The following CXXC5 variants were observed in gnomAD, a reference collection of about 807,000 sequenced individuals.
CXXC5 encodes CXXC-type zinc finger protein 5.
Under a neutral mutation model 17.6 loss-of-function variants are expected in CXXC5, and 2 were observed. The ratio of observed to expected loss-of-function variants is 0.11; its 90% confidence interval spans 0.05 to 0.36. The LOEUF is 0.36. Among genes scored for constraint, CXXC5 ranks in the 10% least tolerant of loss-of-function variants. CXXC5 has a pLI of 1.00. For synonymous variants in CXXC5, 171 were observed against 193.0 expected, an observed-to-expected ratio of 0.89 and a Z score of 0.94; for missense variants, 343 against 458.3, an observed-to-expected ratio of 0.75 and a Z score of 2.30.
At chr5:139,659,345 C>T (rs1251158350) in intron 1 of CXXC5, among the ~76,000 whole-genome samples, 1 of 152,180 alleles carries the variant, frequency 6.6e-6, no homozygotes, top group Non-Finnish European at 1.5e-5. Context: ...CCACTGGTCT[C>T]CTGGGAGGGA....
At chr5:139,653,608 T>G (rs1755326075) in intron 1 of CXXC5, among the ~76,000 whole-genome samples, 1 of 152,128 alleles carries the variant, frequency 6.6e-6, no homozygotes, top group South Asian at 2.1e-4. Context: ...CTCTGTATGT[T>G]GAGAAGCAGT....
intron 1 of CXXC5, among the ~76,000 whole-genome samples, chr5:139,649,958 G>A (rs528543766): frequency 6.6e-6 from 1 of 152,376 alleles, no homozygotes; most frequent in East Asian, 1.9e-4. Flanking sequence ...CGCGGGGTGC[G>A]CCTGGCTTTG....
chr5:139,675,057 C>T (rs551779401), intron 1 of CXXC5, among the ~76,000 whole-genome samples: 22 of 152,324 alleles, frequency 1.4e-4, no homozygotes, highest in Non-Finnish European at 2.5e-4. Context: ...CCTTCCGGCT[C>T]TTGTTTCACG....
At position 139,681,086 on chromosome 5, in the gene CXXC5, C is replaced by A. The variant is rs753812369; in HGVS notation, c.563C>A (p.Ala188Asp). Residue 188 changes from alanine (A) to aspartate (D), a missense_variant, in exon 2 of 3, where the codon GCT becomes GAT. Ala to Asp is a moderately radical substitution (Grantham distance 126). Transcript: ENST00000302517. ...EHLPLMSEAG[A>D]GLPDMEAVAG... ...CTCCCGCTGATGAGCGAGGCGGGTG[C>A]TGGCCTGCCTGACATGGAGGCTGTG... 4 of 1,612,578 alleles carry A rather than the reference C, an allele frequency of 2.5e-6. No individual in the cohort carries two copies. The African/African-American group carries it at 5.3e-5, about 22-fold the overall frequency.
Position 139,671,931 on chromosome 5 carries a change from T to G in CXXC5, c.-160-8433T>G, listed in dbSNP as rs141340621. 1.4e-4 allele frequency among the ~76,000 whole-genome samples: 21 copies of G among 152,300 alleles called. No individual in the cohort carries two copies. The East Asian group carries it at 3.9e-3, about 28-fold the overall frequency. ...TCCTGGCTCTGCCACTTACTGACCTTGTGACCTTAGGCAGGTGGCTTTATG... is the reference window on the plus strand; with the variant it reads ...TCCTGGCTCTGCCACTTACTGACCTGGTGACCTTAGGCAGGTGGCTTTATG... On this transcript the variant is annotated intron_variant, in intron 1 of 2. Coordinates refer to ENST00000302517, the MANE Select transcript of CXXC5 (RefSeq NM_016463.9).
chr5:139,667,922 C>T (rs1343093311), intron 1 of CXXC5, among the ~76,000 whole-genome samples: 1 of 152,196 alleles, frequency 6.6e-6, no homozygotes, highest in Non-Finnish European at 1.5e-5. Context: ...TGCGGTGGCT[C>T]CAGGCCTGGA....
chr5:139,669,791 G>A (rs1480992090), intron 1 of CXXC5, among the ~76,000 whole-genome samples: 1 of 152,088 alleles, frequency 6.6e-6, no homozygotes, highest in African/African-American at 2.4e-5. Context: ...TCTCACACAT[G>A]TAGCCTTACC....
At chr5:139,674,549 C>T (rs1359194391) in intron 1 of CXXC5, among the ~76,000 whole-genome samples, 1 of 152,242 alleles carries the variant, frequency 6.6e-6, no homozygotes, top group Non-Finnish European at 1.5e-5. Context: ...GGCTGCAAGG[C>T]TGGTCAGCCA....
intron 1 of CXXC5, 131 bp downstream of exon 1, chr5:139,648,976 A>G (rs980738250): frequency 2.0e-5 from 3 of 151,592 alleles, no homozygotes; most frequent in African/African-American, 7.3e-5. Context: ...AAGTCGGCGG[A>G]AAGTTTGGCT....
Position 139,658,296 on chromosome 5 carries a change from A to G in CXXC5, c.-161+9451A>G, listed in dbSNP as rs1755601490. Among the ~76,000 whole-genome samples, 1 of 152,222 alleles carries G rather than the reference A, an allele frequency of 6.6e-6. No individual in the cohort carries two copies. The highest frequency in any genetic ancestry group is 1.5e-5 in the Non-Finnish European group (1 of 68,034). On this transcript the variant is annotated intron_variant, in intron 1 of 2. Transcript: ENST00000302517. The surrounding 1 kb of genome is among the most constrained non-coding windows in gnomAD (Gnocchi z 4.1). ...TTGGAATGGAGGCATTTTTCAAGTC[A>G]GGATTCTCGTTGGGATTCTGGAATC...
intron 1 of CXXC5, among the ~76,000 whole-genome samples, chr5:139,656,115 G>A (rs1581570129): frequency 6.6e-6 from 1 of 152,382 alleles, no homozygotes; most frequent in Non-Finnish European, 1.5e-5. Flanking sequence ...AGGAACACTT[G>A]TGTGCCATGC....
At chr5:139,681,911 CT>C (rs1219669757) in intron 2 of CXXC5, among the ~76,000 whole-genome samples, 1 of 152,236 alleles carries the variant, frequency 6.6e-6, no homozygotes, top group Non-Finnish European at 1.5e-5. Context: ...CCAGGGCCAT[CT>C]TTCCCCCAAG....
chr5:139,678,634 C>A (rs1483816436), intron 1 of CXXC5, among the ~76,000 whole-genome samples: 1 of 152,222 alleles, frequency 6.6e-6, no homozygotes, highest in African/African-American at 2.4e-5. Context: ...GGAAGCCCCC[C>A]CTCCCCCCCG....
intron 1 of CXXC5, among the ~76,000 whole-genome samples, chr5:139,679,242 C>T (rs1190341621): frequency 1.3e-5 from 2 of 152,248 alleles, no homozygotes; most frequent in Non-Finnish European, 2.9e-5. Context: ...CACCACCGCC[C>T]CCAATCTGGG....
intron 1 of CXXC5, among the ~76,000 whole-genome samples, chr5:139,679,456 G>C (rs904442996): frequency 6.6e-5 from 10 of 152,144 alleles, no homozygotes; most frequent in Non-Finnish European, 1.0e-4. Flanking sequence ...CTGAAATAAG[G>C]GTTCTGCACT....
chr5:139,670,289 A>G lies in CXXC5; in HGVS notation c.-160-10075A>G, dbSNP rs1341542993. On this transcript the variant is annotated intron_variant, in intron 1 of 2. Transcript: ENST00000302517. The surrounding 1 kb of genome is among the most constrained non-coding windows in gnomAD (Gnocchi z 4.2). ...CCACGCTCAGGCCAGGCAGGCGGGT[A>G]GACACTGGCCAGAGCTGTTGGACCT... Among the ~76,000 whole-genome samples, 2 of 152,176 alleles carry G rather than the reference A, an allele frequency of 1.3e-5. No homozygotes were observed. The highest frequency in any genetic ancestry group is 2.9e-5 in the Non-Finnish European group (2 of 68,024).
intron 1 of CXXC5, among the ~76,000 whole-genome samples, chr5:139,678,580 C>T (rs1423010942): frequency 6.6e-6 from 1 of 152,184 alleles, no homozygotes; most frequent in Non-Finnish European, 1.5e-5. Context: ...CAGAGCTTTT[C>T]CTTTCCCCAC....
chr5:139,659,078 C>T (rs1411353244), intron 1 of CXXC5, among the ~76,000 whole-genome samples: 1 of 152,226 alleles, frequency 6.6e-6, no homozygotes, highest in Non-Finnish European at 1.5e-5. Context: ...GCTCTCTGGG[C>T]TCTCCCTGAC....
intron 1 of CXXC5, among the ~76,000 whole-genome samples, chr5:139,674,793 T>C (rs1016019544): frequency 6.6e-6 from 1 of 152,162 alleles, no homozygotes; most frequent in African/African-American, 2.4e-5. Flanking sequence ...GGTGAGAGGA[T>C]TGCTTGATCC....
Sources: gnomAD v4.1 joint callset for allele counts (sites outside exome capture counted in the v4.1 genomes callset) on GRCh38, gnomAD v4.1.1 for gene constraint, Gnocchi (gnomAD v3.1) non-coding constraint, MANE v1.5 for transcripts, NCBI Gene and HGNC (gene_info 2026-07-23, HGNC 2026-07-21) for gene names.